The following RUNX3 variants were observed in gnomAD, a reference collection of about 807,000 sequenced individuals.
RUNX3 encodes the protein runt-related transcription factor 3.
A neutral mutation model predicts 27.7 loss-of-function variants in RUNX3; 10 were observed. That is an observed-to-expected ratio of 0.36 (90% CI 0.22 to 0.61). The LOEUF (loss-of-function observed/expected upper bound fraction) is 0.61. RUNX3 is among the 20% of genes least tolerant of loss of function. The pLI is 0.72. For synonymous variants in RUNX3, 270 were observed against 269.2 expected (o/e 1.00, Z -0.03); for missense variants, 469 against 629.5 (o/e 0.75, Z 2.73).
At chr1:24,938,751 G>A (rs1175580776) in intron 2 of RUNX3, among the ~76,000 whole-genome samples, 2 of 152,086 alleles carry the variant, frequency 1.3e-5, no homozygotes, top group East Asian at 1.9e-4. Flanking sequence ...GGCCCTCTTT[G>A]CCCTTCTGAC....
chr1:24,930,401 G>A, upstream of RUNX3: 1 of 218,642 alleles, frequency 4.6e-6, no homozygotes, highest in Non-Finnish European at 7.8e-6. This position sits in a 1 kb window ranked among gnomAD's most constrained non-coding sequence, Gnocchi z 4.1. Context: ...CGTTCGCGGG[G>A]AGGAACGGGG....
At chr1:24,910,751 C>T (rs1052624454) in intron 3 of RUNX3, among the ~76,000 whole-genome samples, 1 of 152,206 alleles carries the variant, frequency 6.6e-6, no homozygotes, top group African/African-American at 2.4e-5. Context: ...ACCAGGAATC[C>T]ATGGGACACT....
intron 3 of RUNX3, among the ~76,000 whole-genome samples, chr1:24,912,497 C>T (rs1230276775): frequency 6.6e-6 from 1 of 152,102 alleles, no homozygotes; most frequent in Non-Finnish European, 1.5e-5. Context: ...GGAAGCCCCC[C>T]TTCTCCCACA....
chr1:24,908,316 G>A (rs1323066858), intron 3 of RUNX3, among the ~76,000 whole-genome samples: 6 of 151,900 alleles, frequency 3.9e-5, no homozygotes, highest in South Asian at 2.1e-4. Flanking sequence ...TACGACACAC[G>A]GTGATCCAAA....
At chr1:24,944,230 C>G (rs371124283) in intron 2 of RUNX3, among the ~76,000 whole-genome samples, 40 of 152,152 alleles carry the variant, frequency 2.6e-4, no homozygotes, top group African/African-American at 8.9e-4. Context: ...CCCTCCACCT[C>G]TCTGACCTCA....
intron 4 of RUNX3, among the ~76,000 whole-genome samples, chr1:24,903,409 G>C (rs1015886894): frequency 1.3e-5 from 2 of 152,220 alleles, no homozygotes; most frequent in African/African-American, 4.8e-5. Flanking sequence ...TGCCTTGGCA[G>C]CAAAGTGAGA....
rs1640559267 is a variant in RUNX3, at chr1:24,901,876, G to A, written c.*246C>T. On this transcript the variant is annotated 3_prime_UTR_variant, in exon 5 of 5. Coordinates refer to ENST00000308873, the MANE Select transcript of RUNX3 (RefSeq NM_004350.3). ...CTGATTCCCCACAGAAGTATGGGAT[G>A]AGACGGCCAGGATCTGGGCCGGGGG... 3 of 500,744 alleles carry A rather than the reference G, an allele frequency of 6.0e-6. No homozygotes were observed. The highest frequency in any genetic ancestry group is 3.9e-5 in the African/African-American group (2 of 51,638). 31.0% of individuals were successfully genotyped at this position (500,744 alleles called of 1,614,324 possible). A position where few individuals can be genotyped will look rare whatever the true frequency, so the allele number is the denominator to read the frequency against.
chr1:24,905,089 C>T (rs918290060), intron 4 of RUNX3, among the ~76,000 whole-genome samples: 3 of 152,108 alleles, frequency 2.0e-5, no homozygotes, highest in Non-Finnish European at 4.4e-5. Context: ...CACTGCTTGC[C>T]AGTGACCAAT....
rs189131320 is a variant in RUNX3 at position 24,951,485 on chromosome 1, C to G, written c.58+13029G>C. Among the ~76,000 whole-genome samples the G allele has an allele frequency of 2.2e-3, 334 of 152,322 alleles. 2 individuals carry two copies. The highest frequency in any genetic ancestry group is 2.5e-3 in the Non-Finnish European group (172 of 68,036). ...TCCACAAATGATTACTGGCCCATTT[C>G]TCAGACGAGGAAACTGAAGCCCAGA... On this transcript the variant is annotated intron_variant, in intron 2 of 6. Transcript: ENST00000338888.
chr1:24,952,671 G>A (rs977359048), intron 2 of RUNX3, among the ~76,000 whole-genome samples: 2 of 152,174 alleles, frequency 1.3e-5, no homozygotes, highest in African/African-American at 4.8e-5. Flanking sequence ...ACCATCGCTA[G>A]GCCATTCCTC....
At chr1:24,947,713 C>T (rs1048482218) in intron 2 of RUNX3, among the ~76,000 whole-genome samples, 42 of 152,194 alleles carry the variant, frequency 2.8e-4, no homozygotes, top group African/African-American at 9.9e-4. Context: ...TGTTTGCATC[C>T]TCCTTTCCCC....
chr1:24,938,363 G>A (rs554519697), intron 2 of RUNX3, among the ~76,000 whole-genome samples: 250 of 152,278 alleles, frequency 1.6e-3, no homozygotes, highest in Middle Eastern at 3.4e-3. Context: ...TGGGGAAACC[G>A]AGGCCCAGGA....
intron 2 of RUNX3, among the ~76,000 whole-genome samples, chr1:24,946,170 G>T (rs916247920): frequency 6.6e-6 from 1 of 151,930 alleles, no homozygotes; most frequent in South Asian, 2.1e-4. Context: ...ATCCTGAACC[G>T]CCCCCCATTC....
At chr1:24,961,844 CAGGT>C (rs1292451611) in intron 2 of RUNX3, 3 of 152,252 alleles carry the variant, frequency 2.0e-5, no homozygotes, top group Non-Finnish European at 4.4e-5. Context: ...TTGGAAGACA[CAGGT>C]AGGAGGAAGA....
At chr1:24,930,596 G>A (rs1641205324), upstream of RUNX3, among the ~76,000 whole-genome samples, 1 of 151,966 alleles carries the variant, frequency 6.6e-6, no homozygotes, top group South Asian at 2.1e-4. The surrounding 1 kb of genome is among the most constrained non-coding windows in gnomAD (Gnocchi z 4.1). Flanking sequence ...GCTCCCTGAC[G>A]CTGGGGCGCA....
intron 1 of RUNX3, chr1:24,964,684 G>C (rs1294547822): frequency 6.8e-7 from 1 of 1,466,208 alleles, no homozygotes; most frequent in Non-Finnish European, 9.0e-7. Flanking sequence ...GAAAATAAAA[G>C]GGGGGGGTGT....
At chr1:24,921,177 C>T (rs186675621) in intron 2 of RUNX3, among the ~76,000 whole-genome samples, 2 of 152,220 alleles carry the variant, frequency 1.3e-5, no homozygotes, top group Non-Finnish European at 2.9e-5. Context: ...AACAGCCCCA[C>T]GTTGCAGGTG....
chr1:24,917,477 G>A (rs749348998), intron 3 of RUNX3, among the ~76,000 whole-genome samples: 4 of 152,116 alleles, frequency 2.6e-5, no homozygotes, highest in Non-Finnish European at 5.9e-5. Flanking sequence ...CTACGGCCAC[G>A]TGCTGTCCAC....
chr1:24,924,119 C>T (rs890402977), intron 2 of RUNX3, among the ~76,000 whole-genome samples: 3 of 152,158 alleles, frequency 2.0e-5, no homozygotes, highest in Admixed American at 1.3e-4. Flanking sequence ...GTAATCCCAA[C>T]ACTTTGAGAG....
Sources: allele counts gnomAD v4.1 joint callset (sites outside exome capture counted in the v4.1 genomes callset), GRCh38; gene constraint gnomAD v4.1.1; non-coding constraint Gnocchi (gnomAD v3.1); transcripts MANE v1.5; gene names NCBI Gene and HGNC (gene_info 2026-07-23, HGNC 2026-07-21).